Variants in JPH2 observed in about 807,000 individuals in gnomAD.
The protein encoded by JPH2 is junctophilin 2.
Under a neutral mutation model 55.9 loss-of-function variants are expected in JPH2, and 38 were observed. The observed-to-expected ratio is 0.68, with a 90% CI of 0.52 to 0.89. JPH2 has a LOEUF of 0.89. JPH2 is among the 40% of genes least tolerant of loss of function. JPH2 has a pLI of 0.00. For synonymous variants in JPH2, 480 were observed against 472.4 expected (o/e 1.02, Z -0.21); for missense variants, 964 against 1,037.6 (o/e 0.93, Z 0.97).
chr20:44,181,603 C>T (rs190140980), intron 1 of JPH2, among the ~76,000 whole-genome samples: 2 of 152,348 alleles, frequency 1.3e-5, no homozygotes, highest in East Asian at 3.9e-4. Context: ...AAGAAGACTT[C>T]TGAACCTTTG....
chr20:44,173,907 C>T (rs974075268), intron 1 of JPH2, among the ~76,000 whole-genome samples: 11 of 152,034 alleles, frequency 7.2e-5, no homozygotes, highest in African/African-American at 2.4e-4. Flanking sequence ...AGAGAGACTC[C>T]GACTCAAAAC....
intron 2 of JPH2, among the ~76,000 whole-genome samples, chr20:44,126,340 T>C (rs2072277299): frequency 6.6e-6 from 1 of 152,030 alleles, no homozygotes; most frequent in African/African-American, 2.4e-5. Context: ...CCATGGTAGG[T>C]TTGGATGATG....
chr20:44,175,731 G>A (rs537765922), intron 1 of JPH2, among the ~76,000 whole-genome samples: 6 of 152,344 alleles, frequency 3.9e-5, no homozygotes, highest in Admixed American at 3.3e-4. Context: ...GGATTAACCA[G>A]GAGGCATCTC....
intron 1 of JPH2, chr20:44,177,405 A>T: frequency 1.0e-6 from 1 of 987,902 alleles, no homozygotes; most frequent in Non-Finnish European, 1.2e-6. Context: ...TGAATCCCAG[A>T]AGCCTGGCCT....
chr20:44,143,102 C>A (rs1451101189), intron 2 of JPH2, among the ~76,000 whole-genome samples: 3 of 152,114 alleles, frequency 2.0e-5, no homozygotes, highest in African/African-American at 7.2e-5. Flanking sequence ...GCATTTTGGA[C>A]AAATGGAACA....
At chr20:44,177,844 C>T (rs2072747375) in intron 1 of JPH2, 2 of 1,604,252 alleles carry the variant, frequency 1.2e-6, no homozygotes, top group African/African-American at 1.3e-5. Context: ...ATTAATTCAC[C>T]CTTTGGAATG....
chr20:44,118,433 T>A lies in JPH2; in HGVS notation c.1288+72A>T, dbSNP rs945779194. 5 of 1,183,370 alleles carry A rather than the reference T, an allele frequency of 4.2e-6. No individual in the cohort carries two copies. The Admixed American group carries it at 8.4e-5, about 20-fold the overall frequency. 73.3% of individuals were successfully genotyped at this position (1,183,370 alleles called of 1,614,324 possible). ...AGGAAACCACTTGGGCATCTCAGAT[T>A]CCAGTAAGCAAAGAAAAGCGCCCAC... On this transcript the variant is annotated intron_variant, in intron 3 of 5. Coordinates refer to ENST00000372980, the MANE Select transcript of JPH2 (RefSeq NM_020433.5).
intron 1 of JPH2, among the ~76,000 whole-genome samples, chr20:44,173,307 G>A (rs1325918866): frequency 6.6e-6 from 1 of 152,006 alleles, no homozygotes; most frequent in Non-Finnish European, 1.5e-5. Flanking sequence ...ACATTCTGAC[G>A]ATTCTACCCA....
At chr20:44,170,550 T>A (rs1484228295) in intron 1 of JPH2, among the ~76,000 whole-genome samples, 1 of 152,056 alleles carries the variant, frequency 6.6e-6, no homozygotes, top group Non-Finnish European at 1.5e-5. Flanking sequence ...TCAGACCAGG[T>A]GAACCAGAAA....
chr20:44,116,164 T>A lies in JPH2; in HGVS notation c.1511A>T (p.Asp504Val). 1 of 1,415,862 alleles carries A rather than the reference T, an allele frequency of 7.1e-7. No homozygotes were observed. The highest frequency in any genetic ancestry group is 1.5e-5 in the South Asian group (1 of 64,992). The allele number at this position is 1,415,862 out of a possible 1,614,324, so 87.7% of individuals were successfully genotyped here. Residue 504 changes from aspartate to valine, a missense_variant, in exon 4 of 6, where the codon GAC (aspartate) becomes GTC (valine). Asp to Val is a radical substitution (Grantham distance 152, BLOSUM62 -3). Transcript: ENST00000372980. ...PKRPRPGVSK[D>V]GLLSPGAWNG... The stretch of plus-strand genomic sequence containing the variant: ...CCAGGCGCCTGGGCTCAGCAGGCCG[T>A]CCTTGGACACCCCGGGCCTGGGCCG...
intron 2 of JPH2, among the ~76,000 whole-genome samples, chr20:44,125,113 C>CAA (rs11299035): frequency 8.5e-6 from 1 of 117,996 alleles, no homozygotes; most frequent in Non-Finnish European, 1.8e-5. Flanking sequence ...GACTCTGGCT[C>CAA]AAAAAAAAAA....
chr20:44,186,645 C>A lies in JPH2; in HGVS notation c.61G>T (p.Gly21Ter), dbSNP rs1268927282. ...CACAGTCCATGCCCATGGGCCTTTC[C>A]CCCCTCCCAGCCCCCGCAGTACGCC... ...GGAYCGGWEG[G>*]KAHGHGLCTG... The change falls in exon 1 of 6, where the codon GGA becomes TGA. Residue 21 changes from glycine to a stop codon, truncating the protein, a stop_gained. Coordinates refer to ENST00000372980, the MANE Select transcript of JPH2 (RefSeq NM_020433.5). LOFTEE classifies it high-confidence loss of function. The A allele has an allele frequency of 3.7e-6, 6 of 1,609,318 alleles. No individual in the cohort carries two copies. The highest frequency in any genetic ancestry group is 5.1e-6 in the Non-Finnish European group (6 of 1,179,708).
chr20:44,144,314 G>T (rs968166052), intron 2 of JPH2, among the ~76,000 whole-genome samples: 1 of 152,106 alleles, frequency 6.6e-6, no homozygotes, highest in African/African-American at 2.4e-5. Context: ...CTCGGGCTCC[G>T]GGTAAGAACG....
chr20:44,108,289 G>A lies in JPH2; in HGVS notation c.*5229C>T, dbSNP rs923890006. ...CTTCCTATGTCCCTTTCCCTTGGCT[G>A]GTTCTGATTCGCATTCTTTGCTTGT... is the stretch of plus-strand genomic sequence containing the variant. On this transcript the variant is annotated 3_prime_UTR_variant, in exon 6 of 6. Transcript: ENST00000372980. Among the ~76,000 whole-genome samples, 2 of 152,162 alleles carry A rather than the reference G, an allele frequency of 1.3e-5. No homozygotes were observed. The highest frequency in any genetic ancestry group is 2.9e-5 in the Non-Finnish European group (2 of 68,030).
At chr20:44,149,622 C>T in intron 2 of JPH2, among the ~76,000 whole-genome samples, 1 of 152,156 alleles carries the variant, frequency 6.6e-6, no homozygotes. Flanking sequence ...CTTCTGCCCT[C>T]TTCCCCCCAA....
chr20:44,107,535 C>G lies in JPH2; in HGVS notation c.*5983G>C, dbSNP rs2072115763. Among the ~76,000 whole-genome samples the G allele has an allele frequency of 6.6e-6, 1 of 152,152 alleles. No individual in the cohort carries two copies. The highest frequency in any genetic ancestry group is 6.5e-5 in the Admixed American group (1 of 15,276). ...ATCCTCCATACTCTCTTTCCTTTTC[C>G]TTTGGCAGATGCAGAGACCAAAAAA... is the stretch of plus-strand genomic sequence containing the variant. On this transcript the variant is annotated 3_prime_UTR_variant, in exon 6 of 6. Transcript: ENST00000372980.
intron 1 of JPH2, chr20:44,178,032 G>T: frequency 1.2e-6 from 1 of 807,354 alleles, no homozygotes; most frequent in South Asian, 1.3e-5. Context: ...AGGTTCATAT[G>T]GTTAAGAACC....
chr20:44,172,510 C>G (rs1238473043), intron 1 of JPH2, among the ~76,000 whole-genome samples: 1 of 151,980 alleles, frequency 6.6e-6, no homozygotes, highest in Non-Finnish European at 1.5e-5. Flanking sequence ...TGTTTCGTTT[C>G]GAGACAGAGT....
In JPH2 at chr20:44,109,873, C is replaced by T. The variant is rs3746567; in HGVS notation, c.*3645G>A. Among the ~76,000 whole-genome samples the T allele has an allele frequency of 0.3, 45,087 of 151,928 alleles. 7,000 individuals carry two copies. The highest frequency in any genetic ancestry group is 0.48 in the East Asian group (2,454 of 5,154). On this transcript the variant is annotated 3_prime_UTR_variant, in exon 6 of 6. Transcript: ENST00000372980. The stretch of plus-strand genomic sequence containing the variant: ...GCCCGAATCCCAAATCTGACTCCCA[C>T]GGTTCCTAGGTCCCCTCCCTTTCAC...
Sources: allele counts gnomAD v4.1 joint callset (sites outside exome capture counted in the v4.1 genomes callset), GRCh38; gene constraint gnomAD v4.1.1; transcripts MANE v1.5; gene names NCBI Gene and HGNC (gene_info 2026-07-23, HGNC 2026-07-21).